The following TRPC1 variants were observed in gnomAD, a reference collection of about 807,000 sequenced individuals.
TRPC1 encodes the protein transient receptor potential cation channel subfamily C member 1.
TRPC1 carries 42 observed loss-of-function variants against 88.2 expected under a neutral mutation model. The ratio of observed to expected loss-of-function variants is 0.48; its 90% CI spans 0.37 to 0.62. TRPC1 has a LOEUF of 0.62. Among genes scored for constraint, TRPC1 ranks in the 20% least tolerant of loss-of-function variants. The pLI is 0.00. For synonymous variants in TRPC1, 288 were observed against 331.8 expected, an observed-to-expected ratio of 0.87 and a Z score of 1.43; for missense variants, 699 against 957.3, an observed-to-expected ratio of 0.73 and a Z score of 3.56.
At chr3:142,766,153 A>G (rs1935379965) in intron 4 of TRPC1, among the ~76,000 whole-genome samples, 1 of 152,122 alleles carries the variant, frequency 6.6e-6, no homozygotes, top group African/African-American at 2.4e-5. Context: ...TTTTAAAATC[A>G]ATTACTATGT....
intron 4 of TRPC1, among the ~76,000 whole-genome samples, chr3:142,757,130 G>A (rs1934998715): frequency 6.6e-6 from 1 of 152,052 alleles, no homozygotes; most frequent in Non-Finnish European, 1.5e-5. Context: ...ATCCATTGAT[G>A]GGTACTTAGG....
At position 142,743,541 on chromosome 3, in the gene TRPC1, A is replaced by G; in HGVS notation, c.384A>G (p.Ile128Met). ...CTGAAGTAGTGGGAGCTGTTGATAT[A>G]CTACTTAATCATCGACCAAAACGAT... ...IDSEVVGAVD[I>M]LLNHRPKRSS... The change falls in exon 3 of 13, where the codon ATA (isoleucine) becomes ATG (methionine). Residue 128 changes from isoleucine to methionine, a missense_variant. Physicochemically the swap from Ile to Met is conservative, Grantham distance 10. Coordinates refer to ENST00000476941, the MANE Select transcript of TRPC1 (RefSeq NM_001251845.2). 1.3e-6 allele frequency: 2 copies of G among 1,528,242 alleles called. No individual in the cohort carries two copies. Among genetic ancestry groups the G allele is most frequent in the Middle Eastern group, 1.7e-4 (1 of 5,976 alleles). The allele number at this position is 1,528,242 out of a possible 1,614,324, so 94.7% of individuals were successfully genotyped here. A position where few individuals can be genotyped will look rare whatever the true frequency, so the allele number is the denominator to read the frequency against.
At chr3:142,748,082 AGAGTT>A (rs1246723509) in intron 3 of TRPC1, among the ~76,000 whole-genome samples, 171 bp from the exon 4 acceptor site, 13 of 152,298 alleles carry the variant, frequency 8.5e-5, no homozygotes, top group Non-Finnish European at 1.5e-4. Context: ...TTTATTAATT[AGAGTT>A]AAGTTTTGAG....
At chr3:142,793,035 C>T in intron 9 of TRPC1, 68 bp downstream of exon 9, 2 of 1,304,780 alleles carry the variant, frequency 1.5e-6, no homozygotes, top group South Asian at 3.4e-5. Context: ...TCTCCTTGTC[C>T]AGTGGAATAC....
chr3:142,749,302 C>T (rs1223659806), intron 4 of TRPC1, among the ~76,000 whole-genome samples: 1 of 152,152 alleles, frequency 6.6e-6, no homozygotes, highest in Non-Finnish European at 1.5e-5. Context: ...TTATACAGTA[C>T]ATAATACTTG....
At chr3:142,790,649 C>T (rs573321649) in intron 7 of TRPC1, among the ~76,000 whole-genome samples, 11 of 152,036 alleles carry the variant, frequency 7.2e-5, no homozygotes, top group South Asian at 2.1e-4. Context: ...TACGTGTGTG[C>T]GTGCACATCC....
chr3:142,783,497 C>A (rs1312189974), intron 6 of TRPC1, among the ~76,000 whole-genome samples: 1 of 152,174 alleles, frequency 6.6e-6, no homozygotes, highest in Non-Finnish European at 1.5e-5. Context: ...GCCTACACAT[C>A]ATTTCATTCA....
At chr3:142,749,196 C>G (rs1934662594) in intron 4 of TRPC1, among the ~76,000 whole-genome samples, 1 of 152,134 alleles carries the variant, frequency 6.6e-6, no homozygotes. Context: ...GTGGTCACAT[C>G]ATAGTGCAAC....
chr3:142,746,507 T>C (rs1259682025), intron 3 of TRPC1, among the ~76,000 whole-genome samples: 1 of 152,228 alleles, frequency 6.6e-6, no homozygotes, highest in Non-Finnish European at 1.5e-5. Context: ...TAATTTGAAG[T>C]CCTCAATAAA....
rs1933539241 is a variant in TRPC1 at position 142,724,146 on chromosome 3, C to T, written c.-414C>T. The T allele has an allele frequency of 6.6e-6, 1 of 152,344 alleles. No individual in the cohort carries two copies. The highest frequency in any genetic ancestry group is 2.4e-5 in the African/African-American group (1 of 41,464). 9.4% of individuals were successfully genotyped at this position (152,344 alleles called of 1,614,324 possible). ...TGGAGCCCAACGTGCGCAGAAGCGC[C>T]TCTTGGAGCTCCTCTCCCACAGATC... On this transcript the variant is annotated 5_prime_UTR_variant, in exon 1 of 13. Coordinates refer to ENST00000476941, the MANE Select transcript of TRPC1 (RefSeq NM_001251845.2). The surrounding 1 kb of genome is among the most constrained non-coding windows in gnomAD (Gnocchi z 5.6).
At chr3:142,759,162 A>G (rs1356596376) in intron 4 of TRPC1, among the ~76,000 whole-genome samples, 3 of 152,156 alleles carry the variant, frequency 2.0e-5, no homozygotes, top group African/African-American at 7.2e-5. Flanking sequence ...TTATAGCAGC[A>G]TGTTTTATAA....
chr3:142,749,947 A>G (rs1669082387), intron 4 of TRPC1, among the ~76,000 whole-genome samples: 1 of 152,184 alleles, frequency 6.6e-6, no homozygotes, highest in Admixed American at 6.6e-5. Flanking sequence ...ACTTAAACGT[A>G]AGACTTAAAA....
chr3:142,724,487 G>T lies in TRPC1; in HGVS notation c.-73G>T. On this transcript the variant is annotated 5_prime_UTR_variant, in exon 1 of 13. Coordinates refer to ENST00000476941, the MANE Select transcript of TRPC1 (RefSeq NM_001251845.2). The surrounding 1 kb of genome is among the most constrained non-coding windows in gnomAD (Gnocchi z 5.6). ...CTTTTTCCAGCCCTGGGGCGTGGCT[G>T]GGGTCGGGGTCGGGGTCGGGGCCGG... The T allele has an allele frequency of 7.3e-7, 1 of 1,365,716 alleles. No homozygotes were observed. The highest frequency in any genetic ancestry group is 1.4e-5 in the South Asian group (1 of 71,194). 84.6% of individuals were successfully genotyped at this position (1,365,716 alleles called of 1,614,324 possible). A position where few individuals can be genotyped will look rare whatever the true frequency, so the allele number is the denominator to read the frequency against.
chr3:142,750,053 A>G (rs1221849132), intron 4 of TRPC1, among the ~76,000 whole-genome samples: 2 of 152,252 alleles, frequency 1.3e-5, no homozygotes, highest in African/African-American at 4.8e-5. Flanking sequence ...AATGGCAGCG[A>G]AAGCCAAAAT....
rs1936731620 is a variant in TRPC1, at chr3:142,804,728, G to A, written c.2154+98G>A. 2.5e-6 allele frequency: 3 copies of A among 1,177,172 alleles called. 1 individual carries two copies. The highest frequency in any genetic ancestry group is 3.3e-5 in the South Asian group (2 of 60,870). The allele number at this position is 1,177,172 out of a possible 1,614,324, so 72.9% of individuals were successfully genotyped here. Reference sequence around the variant, plus strand: ...TAAGTATGCAGGTTCCCTAAGGGCTGTGACTGTCTGACTTTTTTTCACTGC... The same window carrying A: ...TAAGTATGCAGGTTCCCTAAGGGCTATGACTGTCTGACTTTTTTTCACTGC... On this transcript the variant is annotated intron_variant, in intron 12 of 12. Transcript: ENST00000476941.
intron 4 of TRPC1, among the ~76,000 whole-genome samples, chr3:142,754,190 T>C (rs1238908436): frequency 2.0e-5 from 3 of 151,086 alleles, no homozygotes; most frequent in Non-Finnish European, 4.4e-5. Context: ...CAGGGAAGGG[T>C]AGTAAACCAT....
Position 142,740,957 on chromosome 3 carries a change from A to G in TRPC1, c.328-2528A>G, listed in dbSNP as rs928060541. ...GGGTTCTAAAGATTGGAGAGCATCAAATAGAATACTAAGGTGGAAAATGTA... is the reference window on the plus strand; with the variant it reads ...GGGTTCTAAAGATTGGAGAGCATCAGATAGAATACTAAGGTGGAAAATGTA... On this transcript the variant is annotated intron_variant, in intron 2 of 12. Coordinates refer to ENST00000476941, the MANE Select transcript of TRPC1 (RefSeq NM_001251845.2). Among the ~76,000 whole-genome samples the G allele has an allele frequency of 1.1e-4, 17 of 152,160 alleles. 1 individual carries two copies. Among genetic ancestry groups the G allele is most frequent in the East Asian group, 1.9e-4 (1 of 5,172 alleles).
Position 142,724,539 on chromosome 3 carries a change from CTG to C in TRPC1, c.-20_-19del. The C allele has an allele frequency of 6.5e-7, 1 of 1,547,514 alleles. No individual in the cohort carries two copies. Among genetic ancestry groups the C allele is most frequent in the East Asian group, 2.5e-5 (1 of 40,686 alleles). On this transcript the variant is annotated 5_prime_UTR_variant, in exon 1 of 13. Transcript: ENST00000476941. This position sits in a 1 kb window ranked among gnomAD's most constrained non-coding sequence, Gnocchi z 5.6. ...GGGGGCCCCGCCCCCGTCTCCTGGC[CTG>C]CCCCCTTCATGGGCCGCGATGATGG... is the stretch of plus-strand genomic sequence containing the variant.
At chr3:142,787,553 T>A (rs900418280) in intron 7 of TRPC1, among the ~76,000 whole-genome samples, 7 of 152,214 alleles carry the variant, frequency 4.6e-5, no homozygotes, top group African/African-American at 1.7e-4. Flanking sequence ...TTTTACTTAA[T>A]TTTTGCTATT....
Sources: gnomAD v4.1 joint callset for allele counts (sites outside exome capture counted in the v4.1 genomes callset) on GRCh38, gnomAD v4.1.1 for gene constraint, Gnocchi (gnomAD v3.1) non-coding constraint, MANE v1.5 for transcripts, NCBI Gene and HGNC (gene_info 2026-07-23, HGNC 2026-07-21) for gene names.